HSP90AA1: variants seen among roughly 807,000 people sequenced by gnomAD.
The protein encoded by HSP90AA1 is heat shock protein 90 alpha family class A member 1, also known as heat shock protein HSP 90-alpha.
In HSP90AA1, 18 loss-of-function variants were observed where a neutral mutation model predicts 73.3. The observed-to-expected ratio is 0.25, with a 90% CI of 0.17 to 0.36. The LOEUF (loss-of-function observed/expected upper bound fraction) is 0.36, where lower values mean the gene tolerates loss of function less well. HSP90AA1 is among the 10% of genes least tolerant of loss of function. HSP90AA1 has a pLI of 1.00. For synonymous variants in HSP90AA1, 477 were observed against 296.9 expected (o/e 1.61, Z -6.24); for missense variants, 704 against 874.2 (o/e 0.81, Z 2.45).
At chr14:102,095,757 G>C (rs1474704715) in intron 2 of HSP90AA1, among the ~76,000 whole-genome samples, 4 of 152,170 alleles carry the variant, frequency 2.6e-5, no homozygotes, top group Non-Finnish European at 5.9e-5. Context: ...AAGTCTGGTG[G>C]ATTTTTCCTT....
chr14:102,113,564 T>G (rs1158065316), intron 1 of HSP90AA1, among the ~76,000 whole-genome samples: 1 of 151,320 alleles, frequency 6.6e-6, no homozygotes, highest in Non-Finnish European at 1.5e-5. Context: ...TTTTGTATTT[T>G]TAGTGGAGAC....
intron 8 of HSP90AA1, 72 bp from the exon 9 acceptor site, chr14:102,083,374 T>C (rs1196675882): frequency 3.9e-6 from 6 of 1,552,546 alleles, no homozygotes; most frequent in Non-Finnish European, 5.3e-6. Flanking sequence ...TGACTTTTCT[T>C]GCTAGCCAGA....
At chr14:102,099,521 C>A (rs1452684470) in intron 2 of HSP90AA1, among the ~76,000 whole-genome samples, 1 of 152,136 alleles carries the variant, frequency 6.6e-6, no homozygotes, top group African/African-American at 2.4e-5. Flanking sequence ...GCGCACCATT[C>A]ACTCCAGCCT....
chr14:102,099,584 A>G (rs1486119561), intron 2 of HSP90AA1, among the ~76,000 whole-genome samples: 2 of 151,998 alleles, frequency 1.3e-5, no homozygotes, highest in Non-Finnish European at 2.9e-5. Context: ...CAGGAGAGAG[A>G]ACTCCCTAAC....
Position 102,083,521 on chromosome 14 carries a change from T to C in HSP90AA1, c.1486+25A>G, listed in dbSNP as rs374136140. On this transcript the variant is annotated intron_variant, in intron 8 of 10. Transcript: ENST00000216281. ...TACAAGATTGTAAGAACGACGTGTATGACTGTAACATAGTGTTCTCTTACC... is the reference window on the plus strand; with the variant it reads ...TACAAGATTGTAAGAACGACGTGTACGACTGTAACATAGTGTTCTCTTACC... 5.2e-5 allele frequency: 83 copies of C among 1,609,316 alleles called. No individual in the cohort carries two copies. In the South Asian group the frequency reaches 6.3e-4, roughly 12 times the overall value.
At chr14:102,127,034 A>G (rs2152625734) in intron 1 of HSP90AA1, among the ~76,000 whole-genome samples, 1 of 91,116 alleles carries the variant, frequency 1.1e-5, no homozygotes, top group Middle Eastern at 5.7e-3. Flanking sequence ...GAGAGTGAGA[A>G]GTACTTTTTT....
intron 1 of HSP90AA1, among the ~76,000 whole-genome samples, chr14:102,118,531 A>G (rs1221094885): frequency 6.6e-6 from 1 of 151,718 alleles, no homozygotes; most frequent in Non-Finnish European, 1.5e-5. Flanking sequence ...GTGAGCCACC[A>G]TGCCCGGTCA....
intron 4 of HSP90AA1, 110 bp downstream of exon 4, chr14:102,085,188 G>C: frequency 2.8e-6 from 4 of 1,425,696 alleles, no homozygotes; most frequent in Non-Finnish European, 3.9e-6. Context: ...GTAGAGCTTA[G>C]GTTCCCCAGG....
chr14:102,116,344 C>A (rs1168866208), intron 1 of HSP90AA1, among the ~76,000 whole-genome samples: 1 of 152,154 alleles, frequency 6.6e-6, no homozygotes, highest in African/African-American at 2.4e-5. Context: ...TTTAGCCTTT[C>A]TTTTATTGAT....
At chr14:102,103,736 A>T (rs1394888997) in intron 1 of HSP90AA1, among the ~76,000 whole-genome samples, 1 of 151,866 alleles carries the variant, frequency 6.6e-6, no homozygotes, top group Non-Finnish European at 1.5e-5. Context: ...CCTAGGAGGC[A>T]AAGGTTGCAG....
intron 1 of HSP90AA1, chr14:102,102,151 A>T: frequency 7.2e-7 from 1 of 1,395,858 alleles, no homozygotes. Context: ...GCGGCAGAGG[A>T]TGAACTTGGA....
chr14:102,087,535 C>A (rs909721687), upstream of HSP90AA1, among the ~76,000 whole-genome samples: 1 of 151,838 alleles, frequency 6.6e-6, no homozygotes, highest in African/African-American at 2.4e-5. Context: ...CCGGGTCTCA[C>A]GCGCCCGGGA....
exon 1 of HSP90AA1, chr14:102,139,685 C>G: frequency 3.0e-6 from 2 of 672,638 alleles, no homozygotes; most frequent in Non-Finnish European, 4.9e-6. Flanking sequence ...GAGGCCACAC[C>G]CGGGGGAGGA....
intron 1 of HSP90AA1, among the ~76,000 whole-genome samples, chr14:102,131,322 C>T (rs1047999826): frequency 6.6e-6 from 1 of 152,170 alleles, no homozygotes; most frequent in Non-Finnish European, 1.5e-5. Flanking sequence ...GAAATCCTAT[C>T]GGCTTTACCT....
chr14:102,121,289 T>C (rs1191476069), intron 1 of HSP90AA1, among the ~76,000 whole-genome samples: 1 of 152,216 alleles, frequency 6.6e-6, no homozygotes, highest in Admixed American at 6.5e-5. Context: ...GTAAAGTATG[T>C]CATTTCCATA....
intron 2 of HSP90AA1, among the ~76,000 whole-genome samples, chr14:102,098,340 T>C: frequency 6.6e-6 from 1 of 151,738 alleles, no homozygotes; most frequent in African/African-American, 2.4e-5. Flanking sequence ...TTTTGTATTT[T>C]TAGTAGAAAT....
rs1382083802 is a variant in HSP90AA1 at position 102,084,975 on chromosome 14, T to C, written c.687A>G (p.Glu229=). The change falls in exon 5 of 11, where the codon GAA becomes GAG. Residue 229 remains glutamate, a synonymous_variant. Transcript: ENST00000216281. The stretch of plus-strand genomic sequence containing the variant: ...TTTCTTCAGCCTCATCATCGCTTAC[T>C]TCTTTATCACGTTCCTTCTCCACCT... The part of the protein sequence containing the change: ...TLFVEKERDK[E]VSDDEAEEKE... 1 of 1,613,146 alleles carries C rather than the reference T, an allele frequency of 6.2e-7. No individual in the cohort carries two copies. Among genetic ancestry groups the C allele is most frequent in the South Asian group, 1.1e-5 (1 of 91,068 alleles).
intron 1 of HSP90AA1, among the ~76,000 whole-genome samples, chr14:102,122,222 T>C (rs1196343187): frequency 6.6e-6 from 1 of 151,968 alleles, no homozygotes; most frequent in African/African-American, 2.4e-5. Context: ...CATATGTCCA[T>C]TTTTATTGGG....
In HSP90AA1 at chr14:102,084,673, TCA is replaced by T; in HGVS notation, c.981+6_981+7del. The T allele has an allele frequency of 1.9e-6, 3 of 1,613,754 alleles. No individual in the cohort carries two copies. The highest frequency in any genetic ancestry group is 2.5e-6 in the Non-Finnish European group (3 of 1,179,766). On this transcript the variant is annotated splice_donor_region_variant and intron_variant, in intron 5 of 10. Transcript: ENST00000216281. ...AGGACAAGCTTGAAGCACCCATCAG[TCA>T]CTCACCTTCACTGCCAAGTGATCTT...
Sources: gnomAD v4.1 joint callset for allele counts (sites outside exome capture counted in the v4.1 genomes callset) on GRCh38, gnomAD v4.1.1 for gene constraint, MANE v1.5 for transcripts, NCBI Gene and HGNC (gene_info 2026-07-23, HGNC 2026-07-21) for gene names.